Variants in UBAC2 observed in about 807,000 individuals in gnomAD.
UBAC2 encodes the protein UBA domain containing 2, also known as ubiquitin-associated domain-containing protein 2.
In UBAC2, 26 loss-of-function variants were observed where a neutral mutation model predicts 44.0. That is an observed-to-expected ratio of 0.59 (90% CI 0.43 to 0.82). The LOEUF (loss-of-function observed/expected upper bound fraction) is 0.82. Among genes scored for constraint, UBAC2 ranks in the 40% least tolerant of loss-of-function variants. The pLI is 0.00. For missense variants in UBAC2, 329 were observed against 419.4 expected, an observed-to-expected ratio of 0.78 and a Z score of 1.88; for synonymous variants, 155 against 154.3, an observed-to-expected ratio of 1.00 and a Z score of -0.04.
At chr13:99,277,386 A>G (rs1024056743) in intron 4 of UBAC2, among the ~76,000 whole-genome samples, 8 of 152,048 alleles carry the variant, frequency 5.3e-5, no homozygotes, top group Non-Finnish European at 8.8e-5. Flanking sequence ...TTAGCCGAGC[A>G]TGGTGGCACA....
chr13:99,367,118 G>A (rs1649928330), intron 7 of UBAC2, among the ~76,000 whole-genome samples: 1 of 152,110 alleles, frequency 6.6e-6, no homozygotes, highest in Non-Finnish European at 1.5e-5. Flanking sequence ...CATAGACTAA[G>A]CCAGGAACGG....
At chr13:99,208,000 T>C (rs1397559386) in intron 1 of UBAC2, among the ~76,000 whole-genome samples, 6 of 148,958 alleles carry the variant, frequency 4.0e-5, no homozygotes, top group African/African-American at 5.0e-5. Context: ...TCTCTTTTTT[T>C]TTTTTTTTTT....
chr13:99,338,052 T>TTTTTTTTTTC (rs2044823370), intron 6 of UBAC2, among the ~76,000 whole-genome samples: 2 of 59,646 alleles, frequency 3.4e-5, no homozygotes, highest in African/African-American at 1.1e-4. Flanking sequence ...TTTTTCTTTT[T>TTTTTTTTTTC]TTTTTTTTTT....
chr13:99,350,448 A>G (rs1039622142), intron 7 of UBAC2, among the ~76,000 whole-genome samples: 14 of 152,180 alleles, frequency 9.2e-5, no homozygotes, highest in Admixed American at 2.0e-4. Flanking sequence ...TTGATCACCA[A>G]TGGCCAGTGA....
intron 8 of UBAC2, among the ~76,000 whole-genome samples, chr13:99,382,337 T>G (rs1977252): frequency 0.11 from 16,333 of 152,266 alleles, 1,001 homozygotes; most frequent in South Asian, 0.28. Flanking sequence ...AGACCTGACT[T>G]GACAGCATTT....
chr13:99,366,388 T>C (rs1014142096), intron 7 of UBAC2, among the ~76,000 whole-genome samples: 2 of 152,232 alleles, frequency 1.3e-5, no homozygotes, highest in African/African-American at 2.4e-5. Flanking sequence ...ATAAATCCCA[T>C]GTAACCCCAA....
At chr13:99,282,141 T>C (rs1357480607) in intron 4 of UBAC2, among the ~76,000 whole-genome samples, 1 of 152,178 alleles carries the variant, frequency 6.6e-6, no homozygotes, top group African/African-American at 2.4e-5. Context: ...CCACCCAGTG[T>C]ATGCTGTTAG....
At chr13:99,240,956 CCT>C (rs1457045969) in intron 2 of UBAC2, among the ~76,000 whole-genome samples, 2 of 152,152 alleles carry the variant, frequency 1.3e-5, no homozygotes, top group Non-Finnish European at 2.9e-5. Flanking sequence ...TTTCTCTGTG[CCT>C]CTTTTTCCTT....
chr13:99,203,043 A>ATTTATTTC lies in UBAC2; in HGVS notation c.31+2111_31+2112insCTTTATTT, dbSNP rs965945136. ...TTTTATTTTATTTATTTATTTATTT[A>ATTTATTTC]TTTATTTATTTATTGAGATGGAGTC... is the stretch of plus-strand genomic sequence containing the variant. On this transcript the variant is annotated intron_variant, in intron 1 of 8. Transcript: ENST00000403766. Among the ~76,000 whole-genome samples, 10 of 150,856 alleles carry ATTTATTTC rather than the reference A, an allele frequency of 6.6e-5. 1 individual carries two copies. The highest frequency in any genetic ancestry group is 1.3e-4 in the Non-Finnish European group (9 of 67,744).
chr13:99,343,134 C>T (rs541874948), intron 7 of UBAC2, among the ~76,000 whole-genome samples: 2 of 152,284 alleles, frequency 1.3e-5, no homozygotes, highest in South Asian at 4.1e-4. Flanking sequence ...TATGCTGAGC[C>T]CAGATGCCCG....
At chr13:99,220,290 T>G (rs1233905671) in intron 1 of UBAC2, among the ~76,000 whole-genome samples, 1 of 152,230 alleles carries the variant, frequency 6.6e-6, no homozygotes, top group Admixed American at 6.5e-5. Flanking sequence ...TATTTAGCCT[T>G]TCTTAGTTTA....
intron 5 of UBAC2, 125 bp from the exon 6 acceptor site, chr13:99,317,897 C>A: frequency 1.6e-6 from 1 of 642,700 alleles, no homozygotes; most frequent in Non-Finnish European, 2.5e-6. Flanking sequence ...ATTTGCTTCT[C>A]TGTATTATGG....
chr13:99,355,360 G>A (rs1594163681), intron 7 of UBAC2, among the ~76,000 whole-genome samples: 1 of 152,260 alleles, frequency 6.6e-6, no homozygotes, highest in East Asian at 1.9e-4. Context: ...TGTCTTCAAG[G>A]CCACTGTCTC....
At chr13:99,291,949 G>A (rs1455012772) in intron 4 of UBAC2, among the ~76,000 whole-genome samples, 3 of 152,076 alleles carry the variant, frequency 2.0e-5, no homozygotes, top group Non-Finnish European at 2.9e-5. Flanking sequence ...TGCCCTCACC[G>A]AGCCCACAGC....
intron 6 of UBAC2, among the ~76,000 whole-genome samples, chr13:99,325,378 C>T (rs1261079569): frequency 6.6e-6 from 1 of 152,166 alleles, no homozygotes; most frequent in Non-Finnish European, 1.5e-5. Flanking sequence ...GCTGGGATTA[C>T]AGACATGAGC....
chr13:99,208,763 A>G (rs2042905446), intron 1 of UBAC2, among the ~76,000 whole-genome samples: 1 of 152,174 alleles, frequency 6.6e-6, no homozygotes, highest in Non-Finnish European at 1.5e-5. Context: ...TGAGGCTCTC[A>G]GATTGTTCTT....
At chr13:99,368,686 A>G (rs369562259) in intron 8 of UBAC2, among the ~76,000 whole-genome samples, 2 of 82,504 alleles carry the variant, frequency 2.4e-5, no homozygotes, top group Non-Finnish European at 5.5e-5. Context: ...AACTCATGAG[A>G]GAGTGTGTGT....
chr13:99,244,588 T>G lies in UBAC2; in HGVS notation c.353T>G (p.Phe118Cys). The change falls in exon 4 of 9, where the codon TTT becomes TGT. Residue 118 changes from phenylalanine (F) to cysteine (C), a missense_variant. By Grantham distance (205) the Phe-to-Cys change is radical. Transcript: ENST00000403766. ...FLLIEAMQYF[F>C]GITAASNLPS... Reference sequence around the variant, plus strand: ...CTCATTGAAGCTATGCAGTATTTCTTTGGCATCACTGCAGCTAGTAATTTG... The same window carrying G: ...CTCATTGAAGCTATGCAGTATTTCTGTGGCATCACTGCAGCTAGTAATTTG... 1 of 1,613,248 alleles carries G rather than the reference T, an allele frequency of 6.2e-7. No homozygotes were observed. Among genetic ancestry groups the G allele is most frequent in the South Asian group, 1.1e-5 (1 of 91,054 alleles).
chr13:99,304,325 A>C (rs1051220451), intron 4 of UBAC2, among the ~76,000 whole-genome samples: 11 of 152,138 alleles, frequency 7.2e-5, no homozygotes, highest in Admixed American at 2.0e-4. Context: ...CTTAGTTCTA[A>C]GTATCCCAGG....
Sources: allele counts gnomAD v4.1 joint callset (sites outside exome capture counted in the v4.1 genomes callset), GRCh38; gene constraint gnomAD v4.1.1; transcripts MANE v1.5; gene names NCBI Gene and HGNC (gene_info 2026-07-23, HGNC 2026-07-21).